Variants in ACVR2A observed in about 807,000 individuals in gnomAD.
ACVR2A encodes the protein activin A receptor type 2A.
In ACVR2A, 7 loss-of-function variants were observed where a neutral mutation model predicts 61.4. That is an observed-to-expected ratio of 0.11 (90% CI 0.06 to 0.21). The LOEUF (loss-of-function observed/expected upper bound fraction) is 0.21. Among genes scored for constraint, ACVR2A ranks in the 10% least tolerant of loss-of-function variants. ACVR2A has a pLI of 1.00. For synonymous variants in ACVR2A, 193 were observed against 208.3 expected (o/e 0.93, Z 0.63); for missense variants, 322 against 621.7 (o/e 0.52, Z 5.13).
intron 8 of ACVR2A, among the ~76,000 whole-genome samples, chr2:147,920,586 TCAA>T (rs1687356046): frequency 6.6e-6 from 1 of 152,144 alleles, no homozygotes; most frequent in Non-Finnish European, 1.5e-5. Context: ...GAAAAATTGA[TCAA>T]AGAATAATCC....
rs201288016 is a variant in ACVR2A, at chr2:147,922,233, AT to A, written c.1078-737del. On this transcript the variant is annotated intron_variant, in intron 8 of 10. Coordinates refer to ENST00000241416, the MANE Select transcript of ACVR2A (RefSeq NM_001616.5). ...TCTTAAAAAAAATCTTTACATGTAT[AT>A]TTGCATAAATTGCCCAACTTTTAGT... 7.8e-3 allele frequency among the ~76,000 whole-genome samples: 1,194 copies of A among 152,178 alleles called. 14 individuals are homozygous for A. The highest frequency in any genetic ancestry group is 0.027 in the African/African-American group (1,119 of 41,532).
chr2:147,860,886 T>C (rs192433736), intron 1 of ACVR2A, among the ~76,000 whole-genome samples: 2 of 152,326 alleles, frequency 1.3e-5, no homozygotes, highest in East Asian at 3.9e-4. Context: ...ACAGTATTGC[T>C]TACCATTCTG....
chr2:147,928,023 T>G lies in ACVR2A; in HGVS notation c.*749T>G, dbSNP rs975401507. The G allele has an allele frequency of 6.6e-6, 1 of 152,358 alleles. No homozygotes were observed. The allele number at this position is 152,358 out of a possible 1,614,324, so 9.4% of individuals were successfully genotyped here. A position where few individuals can be genotyped will look rare whatever the true frequency, so the allele number is the denominator to read the frequency against. ...ATAAGTGGCCATTCGTAAAGCAGTG[T>G]TTTAGCATTTCTTGTGCTGGCTTGT... On this transcript the variant is annotated 3_prime_UTR_variant, in exon 11 of 11. Coordinates refer to ENST00000241416, the MANE Select transcript of ACVR2A (RefSeq NM_001616.5).
intron 8 of ACVR2A, among the ~76,000 whole-genome samples, chr2:147,920,859 C>T (rs750689964): frequency 6.6e-6 from 1 of 151,934 alleles, no homozygotes; most frequent in African/African-American, 2.4e-5. Context: ...ACTTGTAAAC[C>T]CCTGAATTAG....
At chr2:147,895,912 CT>C (rs1196624166) in intron 1 of ACVR2A, among the ~76,000 whole-genome samples, 1 of 152,114 alleles carries the variant, frequency 6.6e-6, no homozygotes, top group Non-Finnish European at 1.5e-5. Flanking sequence ...ATCCTTACCC[CT>C]GAGTTGTTAG....
intron 1 of ACVR2A, among the ~76,000 whole-genome samples, chr2:147,846,827 T>C (rs1384796058): frequency 6.6e-6 from 1 of 152,200 alleles, no homozygotes; most frequent in East Asian, 1.9e-4. Flanking sequence ...ACTCCTCTTG[T>C]TCAAATCCCT....
Position 147,865,595 on chromosome 2 carries a change from C to T in ACVR2A, c.55+20388C>T, listed in dbSNP as rs1312191127. 2.0e-5 allele frequency among the ~76,000 whole-genome samples: 3 copies of T among 152,208 alleles called. No homozygotes were observed. In the East Asian group the frequency reaches 5.8e-4, roughly 29 times the overall value. Reference sequence around the variant, plus strand: ...CTTAATGGAATTTTGCTCTACATACCCTTCCTGTTGAAGTAATCCCATCTC... The same window carrying T: ...CTTAATGGAATTTTGCTCTACATACTCTTCCTGTTGAAGTAATCCCATCTC... On this transcript the variant is annotated intron_variant, in intron 1 of 10. Transcript: ENST00000241416.
chr2:147,853,423 A>G (rs938701890), intron 1 of ACVR2A, among the ~76,000 whole-genome samples: 16 of 152,086 alleles, frequency 1.1e-4, no homozygotes, highest in Admixed American at 1.0e-3. Context: ...TGAAATCTGT[A>G]TGAGACCCTA....
chr2:147,845,137 C>T lies in ACVR2A; in HGVS notation c.-16C>T, dbSNP rs370759306. On this transcript the variant is annotated 5_prime_UTR_variant, in exon 1 of 11. Coordinates refer to ENST00000241416, the MANE Select transcript of ACVR2A (RefSeq NM_001616.5). The stretch of plus-strand genomic sequence containing the variant: ...CTAGCGAGAACTTCCTCCGGATTCC[C>T]CGGCGCCTCGGGAAAATGGGAGCTG... 5 of 1,612,630 alleles carry T rather than the reference C, an allele frequency of 3.1e-6. No individual in the cohort carries two copies. In the South Asian group the frequency reaches 3.3e-5, roughly 11 times the overall value.
At chr2:147,887,636 TATC>T (rs1369886415) in intron 1 of ACVR2A, among the ~76,000 whole-genome samples, 1 of 152,218 alleles carries the variant, frequency 6.6e-6, no homozygotes, top group African/African-American at 2.4e-5. Flanking sequence ...ATATATTTAT[TATC>T]AACATGGTTT....
At chr2:147,893,962 C>T (rs1311770470) in intron 1 of ACVR2A, among the ~76,000 whole-genome samples, 3 of 151,986 alleles carry the variant, frequency 2.0e-5, no homozygotes, top group Non-Finnish European at 4.4e-5. Flanking sequence ...AAAGATTTTT[C>T]ATGTTTTCTT....
At chr2:147,844,551 G>T (rs544598042), upstream of ACVR2A, 1 of 148,818 alleles carries the variant, frequency 6.7e-6, no homozygotes, top group African/African-American at 2.5e-5. Flanking sequence ...CCGGAGCCCG[G>T]AGCTGGAGCC....
intron 1 of ACVR2A, among the ~76,000 whole-genome samples, chr2:147,883,662 T>C (rs1181051463): frequency 6.6e-6 from 1 of 152,192 alleles, no homozygotes; most frequent in Non-Finnish European, 1.5e-5. Context: ...TCCATTGTTA[T>C]TTAAGGTCAT....
At chr2:147,880,345 A>G (rs1276278188) in intron 1 of ACVR2A, among the ~76,000 whole-genome samples, 1 of 152,054 alleles carries the variant, frequency 6.6e-6, no homozygotes, top group African/African-American at 2.4e-5. Context: ...CCCCAGTGAC[A>G]TTTTTTAATG....
At chr2:147,870,220 C>T (rs947095356) in intron 1 of ACVR2A, among the ~76,000 whole-genome samples, 3 of 151,964 alleles carry the variant, frequency 2.0e-5, no homozygotes, top group Admixed American at 2.0e-4. Context: ...CTTCTATAAT[C>T]GTAAATGCCT....
At chr2:147,871,233 T>G (rs1362450463) in intron 1 of ACVR2A, among the ~76,000 whole-genome samples, 1 of 152,116 alleles carries the variant, frequency 6.6e-6, no homozygotes, top group Non-Finnish European at 1.5e-5. Context: ...TTTTTTTAAA[T>G]ATACATTTGC....
intron 7 of ACVR2A, 132 bp downstream of exon 7, chr2:147,918,724 TTTTAAAATTAGC>T (rs537184227): frequency 3.0e-5 from 23 of 776,562 alleles, no homozygotes; most frequent in East Asian, 2.5e-4. Flanking sequence ...TTCATTTGTT[TTTTAAAATTAGC>T]TTTGAGATTG....
intron 1 of ACVR2A, among the ~76,000 whole-genome samples, chr2:147,887,881 T>A (rs1686482083): frequency 6.6e-6 from 1 of 152,180 alleles, no homozygotes; most frequent in Non-Finnish European, 1.5e-5. Flanking sequence ...GAGTCCTGAT[T>A]AAAAGATTTT....
rs1329263762 is a variant in ACVR2A at position 147,928,591 on chromosome 2, A to G, written c.*1317A>G. The G allele has an allele frequency of 1.3e-5, 2 of 152,356 alleles. No homozygotes were observed. Among genetic ancestry groups the G allele is most frequent in the Non-Finnish European group, 1.5e-5 (1 of 67,914 alleles). 9.4% of individuals were successfully genotyped at this position (152,356 alleles called of 1,614,324 possible). On this transcript the variant is annotated 3_prime_UTR_variant, in exon 11 of 11. Transcript: ENST00000241416. ...ATTAAACGTATAACTTAAAATATGC[A>G]ATGACATTTAGAGGTAACCAATGTT... is the stretch of plus-strand genomic sequence containing the variant.
Sources: allele counts gnomAD v4.1 joint callset (sites outside exome capture counted in the v4.1 genomes callset), GRCh38; gene constraint gnomAD v4.1.1; transcripts MANE v1.5; gene names NCBI Gene and HGNC (gene_info 2026-07-23, HGNC 2026-07-21).